DIPK1C: variants seen among roughly 807,000 people sequenced by gnomAD.
The protein encoded by DIPK1C is divergent protein kinase domain 1C.
In DIPK1C, 33 loss-of-function variants were observed where a neutral mutation model predicts 28.0. The observed-to-expected ratio is 1.18, with a 90% CI of 0.89 to 1.58. The LOEUF is 1.58. Ranked by LOEUF, DIPK1C falls within the 40% of genes most tolerant of loss-of-function variation. The pLI is 0.00. For missense variants in DIPK1C, 569 were observed against 568.5 expected, an observed-to-expected ratio of 1.00 and a Z score of -0.01; for synonymous variants, 255 against 248.8, an observed-to-expected ratio of 1.02 and a Z score of -0.23.
chr18:74,460,860 G>C (rs934566707), upstream of DIPK1C, among the ~76,000 whole-genome samples: 6 of 152,232 alleles, frequency 3.9e-5, no homozygotes, highest in African/African-American at 1.4e-4. Flanking sequence ...ATAAAGATGG[G>C]AGAAAGTGGG....
chr18:74,456,192 G>A (rs1433425229), intron 1 of DIPK1C, among the ~76,000 whole-genome samples: 1 of 152,218 alleles, frequency 6.6e-6, no homozygotes, highest in Non-Finnish European at 1.5e-5. Context: ...GGATTTAGGG[G>A]ACTCCCACCT....
chr18:74,450,862 G>C (rs766882662), intron 1 of DIPK1C, among the ~76,000 whole-genome samples: 1 of 152,256 alleles, frequency 6.6e-6, no homozygotes, highest in East Asian at 1.9e-4. Context: ...GTGAGGCTAA[G>C]CTTGGCACAG....
intron 1 of DIPK1C, among the ~76,000 whole-genome samples, chr18:74,454,746 A>T (rs938442081): frequency 6.6e-6 from 1 of 152,212 alleles, no homozygotes; most frequent in African/African-American, 2.4e-5. Flanking sequence ...TCAGCCCAGC[A>T]GAGTTGGGAT....
chr18:74,464,556 G>A, the DIPK1C span, among the ~76,000 whole-genome samples: 3 of 152,184 alleles, frequency 2.0e-5, no homozygotes, highest in Non-Finnish European at 1.5e-5. Context: ...GTTCACATTA[G>A]GGTTCACTCT....
chr18:74,447,631 C>T lies in DIPK1C; in HGVS notation c.199-348G>A, dbSNP rs1026553809. Reference sequence around the variant, plus strand: ...AACAGGTGAAGGGGCTGGACCAGGCCAGTAGCTCTCGACTCTGCCTACACT... The same window carrying T: ...AACAGGTGAAGGGGCTGGACCAGGCTAGTAGCTCTCGACTCTGCCTACACT... On this transcript the variant is annotated intron_variant, in intron 1 of 3. Transcript: ENST00000343998. The surrounding 1 kb of genome is among the most constrained non-coding windows in gnomAD (Gnocchi z 4.1). Among the ~76,000 whole-genome samples the T allele has an allele frequency of 6.6e-6, 1 of 152,122 alleles. No individual in the cohort carries two copies. The highest frequency in any genetic ancestry group is 2.4e-5 in the African/African-American group (1 of 41,414).
rs765436122 is a variant in DIPK1C, at chr18:74,436,505, T to C, written c.1256A>G (p.Lys419Arg). ...ATGTTTAAGGCCAGAGAGTGGCTAC[T>C]TCTCTGCCTCCTGCAGCTCCCTCAG... Reference protein sequence around the residue: ...ATLRELQEAEK With the variant: ...ATLRELQEAER Residue 419 changes from lysine (K) to arginine (R), a missense_variant, in exon 4 of 4, where the codon AAG becomes AGG. Lys to Arg is a conservative substitution (Grantham distance 26). Transcript: ENST00000343998. 1.3e-6 allele frequency: 2 copies of C among 1,599,050 alleles called. No homozygotes were observed. Among genetic ancestry groups the C allele is most frequent in the East Asian group, 2.2e-5 (1 of 44,718 alleles).
At position 74,436,965 on chromosome 18, in the gene DIPK1C, C is replaced by T. The variant is rs559410276; in HGVS notation, c.1042-246G>A. The stretch of plus-strand genomic sequence containing the variant: ...AGCCAACATCTGTGTGAGGCAGAAA[C>T]TTCCCTTTCCAGCCCCCTAGCAGAT... On this transcript the variant is annotated intron_variant, in intron 3 of 3. Coordinates refer to ENST00000343998, the MANE Select transcript of DIPK1C (RefSeq NM_001044369.3). Among the ~76,000 whole-genome samples the T allele has an allele frequency of 2.6e-4, 40 of 152,152 alleles. No individual in the cohort carries two copies. In the South Asian group the frequency reaches 7.7e-3, roughly 29 times the overall value.
intron 1 of DIPK1C, among the ~76,000 whole-genome samples, chr18:74,450,826 CATT>C (rs749764976): frequency 2.4e-4 from 36 of 152,346 alleles, no homozygotes; most frequent in Admixed American, 5.9e-4. Flanking sequence ...TCCTAAATGA[CATT>C]AGAGTGACAG....
At chr18:74,456,725 G>C (rs2144534112) in intron 1 of DIPK1C, among the ~76,000 whole-genome samples, 1 of 152,278 alleles carries the variant, frequency 6.6e-6, no homozygotes, top group Admixed American at 6.5e-5. Context: ...ACCGGACGCG[G>C]CACCTCCCTG....
At chr18:74,441,612 T>C (rs544633264) in intron 3 of DIPK1C, among the ~76,000 whole-genome samples, 3 of 152,156 alleles carry the variant, frequency 2.0e-5, no homozygotes, top group Non-Finnish European at 4.4e-5. Context: ...AGTATTATCT[T>C]TGATGGATTA....
At position 74,447,251 on chromosome 18, in the gene DIPK1C, C is replaced by G. The variant is rs558674692; in HGVS notation, c.231G>C (p.Gly77=). The change falls in exon 2 of 4, where the codon GGG becomes GGC. Residue 77 remains glycine (G), a synonymous_variant. Transcript: ENST00000343998. The surrounding 1 kb of genome is among the most constrained non-coding windows in gnomAD (Gnocchi z 4.1). The part of the protein sequence containing the change: ...CQDYQGGTLA[G]DLCEDLCVAG... ...CCACACACAGGTCCTCGCAGAGGTC[C>G]CCGGCCAGCGTGCCGCCCTGGTAGT... 5.2e-5 allele frequency: 81 copies of G among 1,544,996 alleles called. No individual in the cohort carries two copies. Among genetic ancestry groups the G allele is most frequent in the Middle Eastern group, 1.7e-4 (1 of 5,962 alleles).
chr18:74,457,313 A>C, upstream of DIPK1C: 1 of 974,698 alleles, frequency 1.0e-6, no homozygotes, highest in Non-Finnish European at 1.2e-6. Flanking sequence ...CGAGTTCCGC[A>C]CTCGCGTAGC....
At chr18:74,461,383 C>T (rs1188590039), upstream of DIPK1C, among the ~76,000 whole-genome samples, 1 of 139,528 alleles carries the variant, frequency 7.2e-6, no homozygotes, top group Admixed American at 7.4e-5. Flanking sequence ...TTCCTTTCTT[C>T]CTTCCTTTCT....
At position 74,447,375 on chromosome 18, in the gene DIPK1C, G is replaced by C. The variant is rs1986298622; in HGVS notation, c.199-92C>G. On this transcript the variant is annotated intron_variant, in intron 1 of 3. Coordinates refer to ENST00000343998, the MANE Select transcript of DIPK1C (RefSeq NM_001044369.3). This position sits in a 1 kb window ranked among gnomAD's most constrained non-coding sequence, Gnocchi z 4.1. The stretch of plus-strand genomic sequence containing the variant: ...TAGGGAAGGGGACAGCCTAGCCTCT[G>C]CCCTCAGGACGCTGATAATCCAGCT... 4.0e-6 allele frequency: 5 copies of C among 1,256,520 alleles called. No homozygotes were observed. The East Asian group carries it at 1.3e-4, about 32-fold the overall frequency. 77.8% of individuals were successfully genotyped at this position (1,256,520 alleles called of 1,614,324 possible).
chr18:74,443,055 C>T (rs560672807), intron 2 of DIPK1C, among the ~76,000 whole-genome samples: 2 of 152,252 alleles, frequency 1.3e-5, no homozygotes, highest in African/African-American at 4.8e-5. Context: ...GGGGAAATAT[C>T]AAAGTTATCG....
In DIPK1C at chr18:74,450,909, G is replaced by A. The variant is rs948866781; in HGVS notation, c.199-3626C>T. 3.9e-5 allele frequency among the ~76,000 whole-genome samples: 6 copies of A among 152,232 alleles called. No homozygotes were observed. The South Asian group carries it at 1.2e-3, about 31-fold the overall frequency. ...CTCTGGGCTCTGCCCCTGGCTTGCT[G>A]TGTGGCTTGTTTCCGAGTCTGGAAA... On this transcript the variant is annotated intron_variant, in intron 1 of 3. Coordinates refer to ENST00000343998, the MANE Select transcript of DIPK1C (RefSeq NM_001044369.3).
intron 1 of DIPK1C, among the ~76,000 whole-genome samples, chr18:74,454,524 C>A (rs1464854639): frequency 6.6e-6 from 1 of 152,270 alleles, no homozygotes; most frequent in Admixed American, 6.5e-5. Flanking sequence ...AGTCTCCCTT[C>A]AGCTCAGCTG....
At chr18:74,462,009 G>A (rs929681831), upstream of DIPK1C, among the ~76,000 whole-genome samples, 19 of 152,228 alleles carry the variant, frequency 1.2e-4, no homozygotes, top group Admixed American at 1.2e-3. Flanking sequence ...GGATCCTCCT[G>A]CCTTGGCCTC....
intron 3 of DIPK1C, among the ~76,000 whole-genome samples, chr18:74,439,924 G>A (rs1324878495): frequency 1.3e-5 from 2 of 151,376 alleles, no homozygotes; most frequent in Non-Finnish European, 1.5e-5. Flanking sequence ...TTGACATTTT[G>A]GTATATAAGG....
Sources: gnomAD v4.1 joint callset for allele counts (sites outside exome capture counted in the v4.1 genomes callset) on GRCh38, gnomAD v4.1.1 for gene constraint, Gnocchi (gnomAD v3.1) non-coding constraint, MANE v1.5 for transcripts, NCBI Gene and HGNC (gene_info 2026-07-23, HGNC 2026-07-21) for gene names.